Variants in JOSD1 observed in about 807,000 individuals in gnomAD.
JOSD1 encodes josephin-1.
JOSD1 carries 11 observed loss-of-function variants against 24.3 expected under a neutral mutation model. The ratio of observed to expected loss-of-function variants is 0.45; its 90% confidence interval spans 0.29 to 0.75. The LOEUF is 0.75. JOSD1 is among the 30% of genes least tolerant of loss of function. JOSD1 has a pLI of 0.11. For synonymous variants in JOSD1, 106 were observed against 93.8 expected, an observed-to-expected ratio of 1.13 and a Z score of -0.75; for missense variants, 184 against 253.5, an observed-to-expected ratio of 0.73 and a Z score of 1.86.
In JOSD1 at chr22:38,700,317, C is replaced by T; in HGVS notation, c.-330G>A. 1 of 1,022,074 alleles carries T rather than the reference C, an allele frequency of 9.8e-7. No homozygotes were observed. The highest frequency in any genetic ancestry group is 1.2e-6 in the Non-Finnish European group (1 of 852,584). 63.3% of individuals were successfully genotyped at this position (1,022,074 alleles called of 1,614,324 possible). A position where few individuals can be genotyped will look rare whatever the true frequency, so the allele number is the denominator to read the frequency against. On this transcript the variant is annotated 5_prime_UTR_variant, in exon 2 of 5. The change creates a new upstream start codon in the 5' untranslated region. Transcript: ENST00000683374. ...CTCCCACCCCCCTCCAAAATCCCCACGATTTTCTTGCTGTTTCCCTCTGCA... is the reference window on the plus strand; with the variant it reads ...CTCCCACCCCCCTCCAAAATCCCCATGATTTTCTTGCTGTTTCCCTCTGCA...
At chr22:38,691,628 CTTA>C (rs1452587713) in intron 2 of JOSD1, among the ~76,000 whole-genome samples, 1 of 152,140 alleles carries the variant, frequency 6.6e-6, no homozygotes, top group Admixed American at 6.5e-5. Flanking sequence ...TCTGTAGTTC[CTTA>C]TTGTTTGGGT....
Position 38,699,936 on chromosome 22 carries a change from G to A in JOSD1, c.52C>T (p.Leu18=). The A allele has an allele frequency of 6.2e-7, 1 of 1,613,502 alleles. No individual in the cohort carries two copies. The highest frequency in any genetic ancestry group is 8.5e-7 in the Non-Finnish European group (1 of 1,179,672). The change falls in exon 2 of 5, where the codon CTG becomes TTG. Residue 18 remains leucine (L), a synonymous_variant. Transcript: ENST00000683374. ...ATTTGTGGGGGTGCTGCCTGGGGCAGCTCCAATGATTCAGATTTGGCCTTG... is the reference window on the plus strand; with the variant it reads ...ATTTGTGGGGGTGCTGCCTGGGGCAACTCCAATGATTCAGATTTGGCCTTG... ...GDKAKSESLE[L]PQAAPPQIYH...
intron 2 of JOSD1, among the ~76,000 whole-genome samples, chr22:38,698,860 G>A (rs773165263): frequency 5.3e-5 from 8 of 152,118 alleles, no homozygotes; most frequent in African/African-American, 1.4e-4. Context: ...AAGTTTATGC[G>A]ATTCTCCTGC....
upstream of JOSD1, chr22:38,701,041 G>T: frequency 1.1e-6 from 1 of 940,316 alleles, no homozygotes; most frequent in Non-Finnish European, 1.3e-6. Flanking sequence ...ACTCCTCCCA[G>T]CCGTGGCGTC....
At chr22:38,689,248 T>C in intron 3 of JOSD1, 48 bp downstream of exon 3, 1 of 1,612,658 alleles carries the variant, frequency 6.2e-7, no homozygotes, top group East Asian at 2.2e-5. Context: ...TAAAAGCTTA[T>C]ACCACAACCG....
upstream of JOSD1, chr22:38,701,344 C>T (rs556773912): frequency 6.6e-6 from 1 of 152,464 alleles, no homozygotes; most frequent in South Asian, 2.1e-4. Flanking sequence ...GCTTTCAGCA[C>T]CCCTCCCTTC....
In JOSD1 at chr22:38,687,966, C is replaced by T. The variant is rs750690883; in HGVS notation, c.545G>A (p.Cys182Tyr). The T allele has an allele frequency of 6.2e-7, 1 of 1,613,878 alleles. No homozygotes were observed. Among genetic ancestry groups the T allele is most frequent in the Non-Finnish European group, 8.5e-7 (1 of 1,179,720 alleles). ...FLKHHLRGKN[C>Y]ELLLVVPEEV... ...TTCTGGTACCACCAGCAGGAGTTCA[C>T]AGTTCTTTCCTCGCAAATGATGTTT... The change falls in exon 5 of 5, where the codon TGT (cysteine) becomes TAT (tyrosine). Residue 182 changes from cysteine (C) to tyrosine (Y), a missense_variant. Transcript: ENST00000683374.
chr22:38,690,465 C>T (rs973146647), intron 2 of JOSD1, among the ~76,000 whole-genome samples: 7 of 151,614 alleles, frequency 4.6e-5, no homozygotes, highest in Middle Eastern at 3.4e-3. Flanking sequence ...TGTGATGGCG[C>T]GATCTCAGCC....
intron 2 of JOSD1, among the ~76,000 whole-genome samples, chr22:38,693,476 G>A (rs2092532144): frequency 1.3e-5 from 2 of 152,092 alleles, no homozygotes; most frequent in Non-Finnish European, 2.9e-5. Flanking sequence ...GTATATATAG[G>A]AACTGACAAT....
At chr22:38,691,565 T>C (rs2092522432) in intron 2 of JOSD1, among the ~76,000 whole-genome samples, 1 of 152,186 alleles carries the variant, frequency 6.6e-6, no homozygotes, top group Non-Finnish European at 1.5e-5. Context: ...ACAAAGCTCT[T>C]TTTCTCACTG....
In JOSD1 at chr22:38,689,395, T is replaced by A. The variant is rs367592567; in HGVS notation, c.215A>T (p.His72Leu). Residue 72 changes from histidine (H) to leucine (L), a missense_variant, in exon 3 of 5, where the codon CAC becomes CTC. Transcript: ENST00000683374. ...RLSPNTMVTP[H>L]KKSMLGNGNY... ...GCCATTTCCCAGCATGCTCTTCTTG[T>A]GAGGTGTCACCATGGTGTTTGGAGA... The A allele has an allele frequency of 2.2e-5, 36 of 1,614,120 alleles. No individual in the cohort carries two copies. The highest frequency in any genetic ancestry group is 3.1e-5 in the Non-Finnish European group (36 of 1,180,050).
intron 4 of JOSD1, among the ~76,000 whole-genome samples, 164 bp downstream of exon 4, chr22:38,688,771 T>G (rs999787410): frequency 6.6e-6 from 1 of 152,118 alleles, no homozygotes; most frequent in Non-Finnish European, 1.5e-5. Context: ...GATGCGCCAT[T>G]GAAGATTAAG....
intron 2 of JOSD1, among the ~76,000 whole-genome samples, chr22:38,693,461 C>G (rs190569397): frequency 1.1e-3 from 167 of 152,324 alleles, no homozygotes; most frequent in African/African-American, 3.9e-3. Context: ...AATTCACTTC[C>G]CTTTGTATAT....
rs2092562245 is a variant in JOSD1, at chr22:38,700,134, A to T, written c.-147T>A. The T allele has an allele frequency of 7.4e-7, 1 of 1,351,694 alleles. No homozygotes were observed. The highest frequency in any genetic ancestry group is 9.5e-7 in the Non-Finnish European group (1 of 1,048,740). The allele number at this position is 1,351,694 out of a possible 1,614,324, so 83.7% of individuals were successfully genotyped here. A position where few individuals can be genotyped will look rare whatever the true frequency, so the allele number is the denominator to read the frequency against. On this transcript the variant is annotated 5_prime_UTR_variant, in exon 2 of 5. Transcript: ENST00000683374. ...ATTTATGCTTTGTCACTGGGAGAAAAGATTGGAATCAAAAGGAAAAAAATA... is the reference window on the plus strand; with the variant it reads ...ATTTATGCTTTGTCACTGGGAGAAATGATTGGAATCAAAAGGAAAAAAATA...
rs1241317175 is a variant in JOSD1 at position 38,700,596 on chromosome 22, A to G, written c.-609T>C. ...GGCGCGGCTCCCTCGGAAGGCGCGGATTCTAGCCCTCTGGCCGCGGCCCTG... is the reference window on the plus strand; with the variant it reads ...GGCGCGGCTCCCTCGGAAGGCGCGGGTTCTAGCCCTCTGGCCGCGGCCCTG... On this transcript the variant is annotated 5_prime_UTR_variant, in exon 2 of 5. Coordinates refer to ENST00000683374, the MANE Select transcript of JOSD1 (RefSeq NM_001360236.2). 3.0e-6 allele frequency: 3 copies of G among 984,934 alleles called. No homozygotes were observed. The highest frequency in any genetic ancestry group is 3.5e-5 in the African/African-American group (2 of 57,118). The allele number at this position is 984,934 out of a possible 1,614,324, so 61.0% of individuals were successfully genotyped here.
intron 2 of JOSD1, among the ~76,000 whole-genome samples, chr22:38,691,699 G>C (rs898135455): frequency 1.3e-5 from 2 of 151,948 alleles, no homozygotes; most frequent in African/African-American, 4.8e-5. Context: ...GACAGAGTCT[G>C]GCTCTGTCGC....
intron 2 of JOSD1, 38 bp downstream of exon 2, chr22:38,699,765 A>G (rs1007623591): frequency 6.9e-6 from 11 of 1,594,148 alleles, no homozygotes; most frequent in Middle Eastern, 1.9e-4. Context: ...AAATCCAGAA[A>G]TATCAGTATC....
intron 3 of JOSD1, 46 bp downstream of exon 3, chr22:38,689,250 C>T: frequency 6.2e-7 from 1 of 1,612,822 alleles, no homozygotes; most frequent in Non-Finnish European, 8.5e-7. Context: ...AAAGCTTATA[C>T]CACAACCGTG....
rs2092503201 is a variant in JOSD1, at chr22:38,687,520, G to A, written c.*382C>T. On this transcript the variant is annotated 3_prime_UTR_variant, in exon 5 of 5. Transcript: ENST00000683374. ...ACCCACTGTTTTCAGACCCAGACAG[G>A]ATGGAAAGTGGAGGCAGCATCTCTA... 4.9e-6 allele frequency: 1 copy of A among 204,878 alleles called. No individual in the cohort carries two copies. The highest frequency in any genetic ancestry group is 2.3e-5 in the African/African-American group (1 of 42,916). 12.7% of individuals were successfully genotyped at this position (204,878 alleles called of 1,614,324 possible).
Sources: allele counts gnomAD v4.1 joint callset (sites outside exome capture counted in the v4.1 genomes callset), GRCh38; gene constraint gnomAD v4.1.1; transcripts MANE v1.5; gene names NCBI Gene and HGNC (gene_info 2026-07-23, HGNC 2026-07-21).